BCR: variants seen among roughly 807,000 people sequenced by gnomAD.
BCR encodes the protein BCR activator of RhoGEF and GTPase.
Under a neutral mutation model 138.6 loss-of-function variants are expected in BCR, and 58 were observed. The ratio of observed to expected loss-of-function variants is 0.42; its 90% CI spans 0.34 to 0.52. The LOEUF is 0.52. Among genes scored for constraint, BCR ranks in the 20% least tolerant of loss-of-function variants. BCR has a pLI of 0.06. For missense variants in BCR, 1,599 were observed against 1,727.2 expected (o/e 0.93, Z 1.32); for synonymous variants, 786 against 730.1 (o/e 1.08, Z -1.23).
chr22:23,259,172 G>A (rs1013436924), intron 2 of BCR, among the ~76,000 whole-genome samples: 4 of 152,252 alleles, frequency 2.6e-5, no homozygotes, highest in Non-Finnish European at 1.5e-5. Flanking sequence ...TGCTGGGACT[G>A]TTGTAACAAA....
chr22:23,222,238 G>T (rs538263593), intron 1 of BCR, among the ~76,000 whole-genome samples: 1 of 152,348 alleles, frequency 6.6e-6, no homozygotes, highest in South Asian at 2.1e-4. Context: ...ATGCCAGCAC[G>T]TAGTAGGTGC....
At chr22:23,234,086 C>T (rs577478098) in intron 1 of BCR, among the ~76,000 whole-genome samples, 9 of 152,266 alleles carry the variant, frequency 5.9e-5, no homozygotes, top group East Asian at 3.9e-4. Flanking sequence ...TGAGCATTTT[C>T]TTCTGGCATT....
Position 23,181,460 on chromosome 22 carries a change from A to C in BCR, c.500A>C (p.Gln167Pro), listed in dbSNP as rs553473471. 3.1e-5 allele frequency: 50 copies of C among 1,607,520 alleles called. No individual in the cohort carries two copies. In the Admixed American group the frequency reaches 5.3e-4, roughly 17 times the overall value. Residue 167 changes from glutamine (Q) to proline (P), a missense_variant, in exon 1 of 23, where the codon CAG becomes CCG. By Grantham distance (76) the Gln-to-Pro change is moderately conservative (BLOSUM62 -1). This residue lies in a region of BCR where 806 missense variants were observed against 635.0 expected (regional missense o/e 1.27). Transcript: ENST00000305877. ...NFERIRKGHG[Q>P]PGADAEKPFY... ...GAGCGGATCCGCAAGGGCCATGGCC[A>C]GCCCGGGGCGGACGCCGAGAAGCCC...
At chr22:23,281,919 C>G (rs955822346) in intron 8 of BCR, among the ~76,000 whole-genome samples, 1 of 152,220 alleles carries the variant, frequency 6.6e-6, no homozygotes, top group East Asian at 1.9e-4. Flanking sequence ...TGGGCAGCCT[C>G]TGCTGGAGAG....
intron 1 of BCR, among the ~76,000 whole-genome samples, chr22:23,214,717 A>G (rs2072730551): frequency 6.6e-6 from 1 of 152,248 alleles, no homozygotes; most frequent in African/African-American, 2.4e-5. Context: ...GCAGAGAAAC[A>G]GAGTCGGCGT....
Position 23,261,394 on chromosome 22 carries a change from C to G in BCR, c.1606C>G (p.Pro536Ala). The change falls in exon 4 of 23, where the codon CCG becomes GCG. Residue 536 changes from proline (P) to alanine (A), a missense_variant. By Grantham distance (27) the Pro-to-Ala change is conservative. Coordinates refer to ENST00000305877, the MANE Select transcript of BCR (RefSeq NM_004327.4). ...GAAAGCCGCTGCCACCACCTCTCAG[C>G]CGGTGCTGACGAGTCAGCAGATCGA... ...PLKAAATTSQ[P>A]VLTSQQIETI... is the part of the protein sequence containing the mutation. The G allele has an allele frequency of 6.2e-7, 1 of 1,613,646 alleles. No homozygotes were observed. Among genetic ancestry groups the G allele is most frequent in the Non-Finnish European group, 8.5e-7 (1 of 1,179,902 alleles).
At chr22:23,276,684 C>T (rs1346945272) in intron 8 of BCR, among the ~76,000 whole-genome samples, 1 of 152,240 alleles carries the variant, frequency 6.6e-6, no homozygotes, top group Non-Finnish European at 1.5e-5. Flanking sequence ...TTTGCCCCTG[C>T]CCCTGCCATT....
chr22:23,233,139 C>T (rs2072977464), intron 1 of BCR, among the ~76,000 whole-genome samples: 1 of 152,190 alleles, frequency 6.6e-6, no homozygotes. Context: ...TTGGCATCTC[C>T]AGGCAGAGCC....
Position 23,317,897 on chromosome 22 carries a change from G to C in BCR, c.*2375G>C, listed in dbSNP as rs1170134187. 8.9e-5 allele frequency: 13 copies of C among 146,520 alleles called. No homozygotes were observed. The highest frequency in any genetic ancestry group is 3.3e-4 in the East Asian group (3 of 9,082). 9.1% of individuals were successfully genotyped at this position (146,520 alleles called of 1,614,324 possible). A position where few individuals can be genotyped will look rare whatever the true frequency, so the allele number is the denominator to read the frequency against. The stretch of plus-strand genomic sequence containing the variant: ...TCCAGACTCCCCGGCCGGAAGTGAT[G>C]CTTTTTTGCCTTGGGCCCTGGGTTT... On this transcript the variant is annotated 3_prime_UTR_variant, in exon 23 of 23. Coordinates refer to ENST00000305877, the MANE Select transcript of BCR (RefSeq NM_004327.4).
chr22:23,261,334 C>T, intron 3 of BCR, 21 bp from the exon 4 acceptor site: 1 of 1,605,142 alleles, frequency 6.2e-7, no homozygotes, highest in Non-Finnish European at 8.5e-7. Context: ...CCTGTGCTAC[C>T]TCACTTGTGC....
At chr22:23,198,248 G>T (rs779291031) in intron 1 of BCR, 1 of 444,184 alleles carries the variant, frequency 2.3e-6, no homozygotes, top group East Asian at 7.3e-5. Context: ...TCAGGATTAG[G>T]GTCCGAGTGC....
At chr22:23,265,539 G>A (rs1470508285) in intron 4 of BCR, among the ~76,000 whole-genome samples, 1 of 152,220 alleles carries the variant, frequency 6.6e-6, no homozygotes, top group Non-Finnish European at 1.5e-5. Flanking sequence ...ACTCAGATGC[G>A]GCTTCTGCCA....
chr22:23,246,003 T>C lies in BCR; in HGVS notation c.1280-7796T>C, dbSNP rs542457123. Among the ~76,000 whole-genome samples, 135 of 152,360 alleles carry C rather than the reference T, an allele frequency of 8.9e-4. 2 individuals carry two copies. The highest frequency in any genetic ancestry group is 8.6e-3 in the Admixed American group (132 of 15,308). On this transcript the variant is annotated intron_variant, in intron 1 of 22. Transcript: ENST00000305877. ...GACCTCCTTTCTGTCTTTATGGGTT[T>C]ACGTATTGTGGGGATTTAATATCAA...
intron 1 of BCR, among the ~76,000 whole-genome samples, chr22:23,239,465 A>C (rs1297552071): frequency 6.6e-6 from 1 of 151,986 alleles, no homozygotes; most frequent in Non-Finnish European, 1.5e-5. Context: ...GCTGCCTCCT[A>C]CTCTGACCTT....
At chr22:23,282,178 A>ACCCTACCCAGATCTGGTC (rs1395722442) in intron 8 of BCR, among the ~76,000 whole-genome samples, 11 of 152,170 alleles carry the variant, frequency 7.2e-5, no homozygotes, top group African/African-American at 2.7e-4. Context: ...GTGTCCTGGG[A>ACCCTACCCAGATCTGGTC]CCCTACCCAG....
intron 1 of BCR, among the ~76,000 whole-genome samples, chr22:23,218,538 T>C (rs2072783659): frequency 6.6e-6 from 1 of 152,204 alleles, no homozygotes; most frequent in Non-Finnish European, 1.5e-5. Context: ...TGCCAGTCTC[T>C]GGTCTGATGG....
intron 16 of BCR, among the ~76,000 whole-genome samples, chr22:23,297,887 CTT>C (rs1051458762): frequency 6.6e-6 from 1 of 152,180 alleles, no homozygotes; most frequent in African/African-American, 2.4e-5. Flanking sequence ...TTTTGAAACT[CTT>C]TTCTGCAATG....
chr22:23,182,192 G>A lies in BCR; in HGVS notation c.1232G>A (p.Gly411Glu), dbSNP rs1208450446. 5.6e-6 allele frequency: 9 copies of A among 1,597,296 alleles called. No individual in the cohort carries two copies. The highest frequency in any genetic ancestry group is 7.6e-6 in the Non-Finnish European group (9 of 1,176,630). ...EATIVGVRKT[G>E]QIWPNDGEGA... ...ACCATCGTGGGCGTCCGCAAGACCG[G>A]GCAGATCTGGCCCAACGATGGCGAG... The change falls in exon 1 of 23, where the codon GGG (glycine) becomes GAG (glutamate). Residue 411 changes from glycine (G) to glutamate (E), a missense_variant. Around this residue, in one of 4 missense-constraint regions of BCR, gnomAD observed 806 missense variants for 635.0 expected, o/e 1.27. Coordinates refer to ENST00000305877, the MANE Select transcript of BCR (RefSeq NM_004327.4).
At chr22:23,217,012 A>G (rs934149951) in intron 1 of BCR, 1 of 450,514 alleles carries the variant, frequency 2.2e-6, no homozygotes, top group South Asian at 1.6e-5. Context: ...CTACCTCTTG[A>G]TGGGAGGAGC....
Sources: gnomAD v4.1 joint callset for allele counts (sites outside exome capture counted in the v4.1 genomes callset) on GRCh38, gnomAD v4.1.1 for gene constraint, gnomAD v4.1.1 regional missense constraint, MANE v1.5 for transcripts, NCBI Gene and HGNC (gene_info 2026-07-23, HGNC 2026-07-21) for gene names.